DNAH17: variants seen among roughly 807,000 people sequenced by gnomAD.
DNAH17 encodes the protein axonemal beta dynein heavy chain 17.
Under a neutral mutation model 485.6 loss-of-function variants are expected in DNAH17, and 376 were observed. The observed-to-expected ratio is 0.77, with a 90% CI of 0.71 to 0.84. DNAH17 has a LOEUF of 0.84. DNAH17 is among the 40% of genes least tolerant of loss of function. The probability of loss-of-function intolerance (pLI) is 0.00; values close to 1 mark genes in which losing one functional copy is unlikely to be tolerated. For missense variants in DNAH17, 6,370 were observed against 5,839.3 expected (o/e 1.09, Z -2.96); for synonymous variants, 3,031 against 2,405.9 (o/e 1.26, Z -7.60).
At chr17:78,485,382 C>T (rs1355376836) in intron 47 of DNAH17, among the ~76,000 whole-genome samples, 168 bp downstream of exon 47, 1 of 152,006 alleles carries the variant, frequency 6.6e-6, no homozygotes, top group Non-Finnish European at 1.5e-5. Context: ...CCCGGCTGCT[C>T]CTCCTCTGTC....
At chr17:78,425,756 C>CTTTTTTTTTTTTTTTTTTTT (rs71160294) in intron 79 of DNAH17, among the ~76,000 whole-genome samples, 185 bp from the exon 80 acceptor site, 5 of 120,742 alleles carry the variant, frequency 4.1e-5, no homozygotes, top group African/African-American at 1.5e-4. Context: ...TTGGTGTCTG[C>CTTTTTTTTTTTTTTTTTTTT]TTTTTTTTTT....
chr17:78,501,656 G>A (rs955351130), intron 34 of DNAH17, 86 bp downstream of exon 34: 4 of 1,501,506 alleles, frequency 2.7e-6, no homozygotes, highest in Non-Finnish European at 3.6e-6. Context: ...AGAGGAAGTG[G>A]CAGGGTCTGA....
intron 31 of DNAH17, among the ~76,000 whole-genome samples, chr17:78,504,934 C>A (rs2090438121): frequency 8.9e-6 from 1 of 111,900 alleles, no homozygotes; most frequent in Non-Finnish European, 1.7e-5. Context: ...GAGACGGAGT[C>A]TCACTCTGTC....
chr17:78,444,415 G>A (rs185191189), intron 71 of DNAH17, among the ~76,000 whole-genome samples, 189 bp downstream of exon 71: 35 of 152,294 alleles, frequency 2.3e-4, no homozygotes, highest in African/African-American at 7.9e-4. Flanking sequence ...TCCTGCCTCT[G>A]TCCTCGAAGA....
At chr17:78,561,115 G>A (rs1356486969) in intron 12 of DNAH17, among the ~76,000 whole-genome samples, 180 bp from the exon 13 acceptor site, 2 of 152,022 alleles carry the variant, frequency 1.3e-5, no homozygotes, top group African/African-American at 2.4e-5. Context: ...ATGGAACTCC[G>A]ACCTGCAGTC....
chr17:78,570,804 G>A (rs1213953559), intron 6 of DNAH17, 144 bp downstream of exon 6: 1 of 599,302 alleles, frequency 1.7e-6, no homozygotes, highest in African/African-American at 2.1e-5. Flanking sequence ...GTTGCAGTGA[G>A]CCGAGATCGC....
chr17:78,566,990 A>G lies in DNAH17; in HGVS notation c.1452+9T>C. 6.2e-7 allele frequency: 1 copy of G among 1,605,732 alleles called. No homozygotes were observed. Among genetic ancestry groups the G allele is most frequent in the Non-Finnish European group, 8.5e-7 (1 of 1,175,264 alleles). ...AGTCCAGTTCATCCAACCCTGCCCG[A>G]GGACCTACCGAGTCTCCAGGGTCCA... On this transcript the variant is annotated intron_variant, in intron 10 of 80. Coordinates refer to ENST00000389840, the MANE Select transcript of DNAH17 (RefSeq NM_173628.4).
At chr17:78,442,901 C>A (rs1264856509) in intron 71 of DNAH17, among the ~76,000 whole-genome samples, 1 of 152,196 alleles carries the variant, frequency 6.6e-6, no homozygotes. Flanking sequence ...ACACGAGACA[C>A]CCTTGGCCAG....
Position 78,552,816 on chromosome 17 carries a change from G to C in DNAH17, c.2179-11C>G. 6.3e-7 allele frequency: 1 copy of C among 1,586,066 alleles called. No individual in the cohort carries two copies. The highest frequency in any genetic ancestry group is 8.7e-7 in the Non-Finnish European group (1 of 1,154,672). On this transcript the variant is annotated splice_polypyrimidine_tract_variant and intron_variant, in intron 14 of 80. Coordinates refer to ENST00000389840, the MANE Select transcript of DNAH17 (RefSeq NM_173628.4). Reference sequence around the variant, plus strand: ...CACTATAGTCTTTATCTGAAAAACAGAGGTGACAGGTTTTGTTCCGAGTCC... The same window carrying C: ...CACTATAGTCTTTATCTGAAAAACACAGGTGACAGGTTTTGTTCCGAGTCC...
intron 71 of DNAH17, among the ~76,000 whole-genome samples, chr17:78,443,643 G>A (rs1218584325): frequency 1.3e-5 from 2 of 152,112 alleles, no homozygotes; most frequent in African/African-American, 4.8e-5. Flanking sequence ...TCCACCTCCC[G>A]GGCTCAACCA....
intron 14 of DNAH17, among the ~76,000 whole-genome samples, 165 bp from the exon 15 acceptor site, chr17:78,552,970 G>A (rs2091936838): frequency 6.6e-6 from 1 of 152,154 alleles, no homozygotes; most frequent in Admixed American, 6.5e-5. Flanking sequence ...GTGGGGCCTG[G>A]TGGGAGGTGA....
chr17:78,494,710 C>T lies in DNAH17; in HGVS notation c.6153G>A (p.Leu2051=). 1 of 1,613,914 alleles carries T rather than the reference C, an allele frequency of 6.2e-7. No homozygotes were observed. The highest frequency in any genetic ancestry group is 8.5e-7 in the Non-Finnish European group (1 of 1,179,896). ...CAATCTTGGGGATGTTGAAGTCTCTCAGCGCCCGCATGAGCACCTGGTCCT... is the reference window on the plus strand; with the variant it reads ...CAATCTTGGGGATGTTGAAGTCTCTTAGCGCCCGCATGAGCACCTGGTCCT... ...RAEDQVLMRA[L]RDFNIPKIVT... is the part of the protein sequence containing the mutation. Residue 2051 remains leucine (L), a synonymous_variant, in exon 40 of 81, where the codon CTG becomes CTA. Transcript: ENST00000389840.
At chr17:78,472,307 C>T (rs998107759) in intron 54 of DNAH17, among the ~76,000 whole-genome samples, 17 of 148,824 alleles carry the variant, frequency 1.1e-4, no homozygotes, top group Middle Eastern at 3.4e-3. Flanking sequence ...AGTGGGGGTG[C>T]GAGGGTTAGG....
At chr17:78,536,431 C>T (rs1054885105) in intron 19 of DNAH17, among the ~76,000 whole-genome samples, 4 of 152,090 alleles carry the variant, frequency 2.6e-5, no homozygotes, top group Non-Finnish European at 5.9e-5. Flanking sequence ...GCCTGGGCAA[C>T]AGAGCAAGAC....
At chr17:78,501,629 G>A (rs2090293786) in intron 34 of DNAH17, 113 bp downstream of exon 34, 2 of 1,438,900 alleles carry the variant, frequency 1.4e-6, no homozygotes, top group Non-Finnish European at 1.9e-6. Context: ...GCCAGCAACA[G>A]AGTCAGTGCC....
chr17:78,480,280 C>T (rs754794334), intron 49 of DNAH17, among the ~76,000 whole-genome samples: 159 of 151,860 alleles, frequency 1.0e-3, no homozygotes, highest in Non-Finnish European at 9.4e-4. Context: ...ACCCGGGAAG[C>T]GGAGGTTGCA....
At chr17:78,463,433 T>C (rs926880029) in intron 56 of DNAH17, among the ~76,000 whole-genome samples, 4 of 149,674 alleles carry the variant, frequency 2.7e-5, no homozygotes, top group African/African-American at 1.0e-4. Flanking sequence ...TATATACACG[T>C]GCATACGCAT....
At chr17:78,498,075 G>C (rs900159019) in intron 37 of DNAH17, among the ~76,000 whole-genome samples, 41 of 152,166 alleles carry the variant, frequency 2.7e-4, no homozygotes, top group African/African-American at 9.4e-4. Flanking sequence ...CCGGGAGGCG[G>C]AGGTTCAGTG....
intron 26 of DNAH17, among the ~76,000 whole-genome samples, chr17:78,512,577 CT>C (rs35755119): frequency 0.67 from 101,896 of 151,892 alleles, 34,621 homozygotes; most frequent in East Asian, 0.92. Flanking sequence ...TGTCCTCCCC[CT>C]ATTTGCCTAC....
Sources: gnomAD v4.1 joint callset for allele counts (sites outside exome capture counted in the v4.1 genomes callset) on GRCh38, gnomAD v4.1.1 for gene constraint, MANE v1.5 for transcripts, NCBI Gene and HGNC (gene_info 2026-07-23, HGNC 2026-07-21) for gene names.